The following SGMS1 variants were observed in gnomAD, a reference collection of about 807,000 sequenced individuals.
The protein encoded by SGMS1 is phosphatidylcholine:ceramide cholinephosphotransferase 1.
In SGMS1, 13 loss-of-function variants were observed where a neutral mutation model predicts 46.2. That is an observed-to-expected ratio of 0.28 (90% confidence interval 0.18 to 0.45). The LOEUF is 0.45. SGMS1 is among the 20% of genes least tolerant of loss of function. The pLI is 1.00. For missense variants in SGMS1, 324 were observed against 519.9 expected (o/e 0.62, Z 3.66); for synonymous variants, 203 against 187.8 (o/e 1.08, Z -0.66).
chr10:50,484,173 G>C (rs1837500389), intron 3 of SGMS1, among the ~76,000 whole-genome samples: 1 of 151,878 alleles, frequency 6.6e-6, no homozygotes, highest in Non-Finnish European at 1.5e-5. Flanking sequence ...AAGAAAAAGA[G>C]AAGAATCAAC....
At chr10:50,415,659 C>T (rs1451492944) in intron 6 of SGMS1, among the ~76,000 whole-genome samples, 2 of 152,108 alleles carry the variant, frequency 1.3e-5, no homozygotes, top group South Asian at 2.1e-4. Context: ...GCATTATTCT[C>T]TTGTATGATG....
intron 2 of SGMS1, among the ~76,000 whole-genome samples, chr10:50,534,607 T>C (rs1018234224): frequency 4.6e-5 from 7 of 152,188 alleles, no homozygotes; most frequent in African/African-American, 1.2e-4. Context: ...ACTACTAAGA[T>C]GCAAAATTAC....
upstream of SGMS1, chr10:50,624,559 G>C (rs931209238): frequency 4.1e-6 from 4 of 982,714 alleles, no homozygotes; most frequent in Non-Finnish European, 4.8e-6. Context: ...ACCGCGCGAG[G>C]TGAAAACTCC....
chr10:50,487,162 T>C (rs1837527975), intron 3 of SGMS1, among the ~76,000 whole-genome samples: 1 of 151,562 alleles, frequency 6.6e-6, no homozygotes, highest in South Asian at 2.1e-4. Flanking sequence ...TATCAAAGGG[T>C]AGAGGGTGGA....
At chr10:50,354,660 C>G (rs549376732) in intron 6 of SGMS1, among the ~76,000 whole-genome samples, 1 of 152,108 alleles carries the variant, frequency 6.6e-6, no homozygotes, top group Non-Finnish European at 1.5e-5. Flanking sequence ...AGGCAACCTA[C>G]AGAATGGGAG....
At chr10:50,434,263 T>C (rs1240354570) in intron 5 of SGMS1, among the ~76,000 whole-genome samples, 3 of 152,226 alleles carry the variant, frequency 2.0e-5, no homozygotes, top group East Asian at 1.9e-4. Context: ...ATAGAACTTT[T>C]TGCTTTCTTT....
chr10:50,377,618 G>C (rs1301717273), intron 6 of SGMS1, among the ~76,000 whole-genome samples: 3 of 152,160 alleles, frequency 2.0e-5, no homozygotes, highest in African/African-American at 7.2e-5. Flanking sequence ...GCAATGGGTT[G>C]AGATTTGGGG....
chr10:50,379,914 T>C (rs1168435657), intron 6 of SGMS1, among the ~76,000 whole-genome samples: 1 of 152,190 alleles, frequency 6.6e-6, no homozygotes, highest in East Asian at 1.9e-4. Context: ...AGAGCTCTTT[T>C]GCCCATCTCA....
In SGMS1 at chr10:50,529,403, T is replaced by C. The variant is rs116127961; in HGVS notation, c.-588-9482A>G. The stretch of plus-strand genomic sequence containing the variant: ...TACCACAATACAATGCTAGGTAAAC[T>C]TAGGCCTTCAATAAACATGGATGGA... On this transcript the variant is annotated intron_variant, in intron 2 of 10. Coordinates refer to ENST00000361781, the MANE Select transcript of SGMS1 (RefSeq NM_147156.4). 5.3e-3 allele frequency among the ~76,000 whole-genome samples: 804 copies of C among 152,336 alleles called. 10 individuals are homozygous for C. Among genetic ancestry groups the C allele is most frequent in the African/African-American group, 0.018 (741 of 41,580 alleles).
At chr10:50,449,292 T>C (rs1324421234) in intron 5 of SGMS1, among the ~76,000 whole-genome samples, 1 of 152,206 alleles carries the variant, frequency 6.6e-6, no homozygotes, top group African/African-American at 2.4e-5. Context: ...GTGTTCACAA[T>C]GTATAACACA....
chr10:50,497,060 C>G (rs1261319165), intron 3 of SGMS1, among the ~76,000 whole-genome samples: 1 of 152,194 alleles, frequency 6.6e-6, no homozygotes, highest in Non-Finnish European at 1.5e-5. Context: ...TCTTCCAACA[C>G]TGAAATGTAG....
intron 1 of SGMS1, 74 bp downstream of exon 1, chr10:50,623,633 G>A (rs1468925359): frequency 8.1e-6 from 8 of 985,166 alleles, no homozygotes; most frequent in Non-Finnish European, 9.6e-6. Context: ...GCATAAGGCC[G>A]GGCCCGCGAG....
chr10:50,311,301 T>C lies in SGMS1; in HGVS notation c.856A>G (p.Thr286Ala), dbSNP rs1847248089. 2.5e-6 allele frequency: 4 copies of C among 1,613,978 alleles called. No individual in the cohort carries two copies. Among genetic ancestry groups the C allele is most frequent in the Non-Finnish European group, 3.4e-6 (4 of 1,179,890 alleles). Residue 286 changes from threonine to alanine, a missense_variant, in exon 9 of 11, where the codon ACG becomes GCG. Thr to Ala is a moderately conservative substitution (Grantham distance 58). This residue lies in a region of SGMS1 where 174 missense variants were observed against 350.1 expected (regional missense o/e 0.50). Transcript: ENST00000361781. ...AAGTAGGTAAGTGTTAGCATGACCG[T>C]GTGGCCGCTGTACAGATAGTCCCCA... ...MCGDYLYSGH[T>A]VMLTLTYLFI... is the part of the protein sequence containing the mutation.
chr10:50,606,475 A>T (rs1332019624), intron 1 of SGMS1, among the ~76,000 whole-genome samples: 2 of 152,242 alleles, frequency 1.3e-5, no homozygotes, highest in Non-Finnish European at 2.9e-5. Flanking sequence ...CATTTTGTGT[A>T]TGTGTATTTT....
chr10:50,382,734 A>C (rs1480091279), intron 6 of SGMS1, among the ~76,000 whole-genome samples: 1 of 152,178 alleles, frequency 6.6e-6, no homozygotes, highest in Admixed American at 6.5e-5. Context: ...AGCTCCTCTC[A>C]AAAACCATCC....
In SGMS1 at chr10:50,425,797, G is replaced by A. The variant is rs76134940; in HGVS notation, c.-232+7679C>T. Among the ~76,000 whole-genome samples the A allele has an allele frequency of 9.6e-3, 1,467 of 152,304 alleles. 29 individuals are homozygous for A. Among genetic ancestry groups the A allele is most frequent in the African/African-American group, 0.034 (1,401 of 41,576 alleles). On this transcript the variant is annotated intron_variant, in intron 6 of 10. Coordinates refer to ENST00000361781, the MANE Select transcript of SGMS1 (RefSeq NM_147156.4). ...TATTTAAACATGTTTTGTAGATCAGGTTGGCAAGAATGAATGAGTCTGACA... is the reference window on the plus strand; with the variant it reads ...TATTTAAACATGTTTTGTAGATCAGATTGGCAAGAATGAATGAGTCTGACA...
chr10:50,318,847 G>C (rs926734955), intron 8 of SGMS1, among the ~76,000 whole-genome samples: 6 of 152,108 alleles, frequency 3.9e-5, no homozygotes, highest in South Asian at 4.1e-4. Flanking sequence ...ATACTAGGCA[G>C]ACTTGTTTTA....
rs191076338 is a variant in SGMS1 at position 50,539,545 on chromosome 10, T to C, written c.-588-19624A>G. ...ATATGGGACCTGATTCTCAAACTTA[T>C]GGAGCTTATTTAAAGTACAAAGTGA... is the stretch of plus-strand genomic sequence containing the variant. On this transcript the variant is annotated intron_variant, in intron 2 of 10. Coordinates refer to ENST00000361781, the MANE Select transcript of SGMS1 (RefSeq NM_147156.4). Among the ~76,000 whole-genome samples, 150 of 152,338 alleles carry C rather than the reference T, an allele frequency of 9.8e-4. 1 individual carries two copies. Among genetic ancestry groups the C allele is most frequent in the Middle Eastern group, 3.4e-3 (1 of 294 alleles).
At chr10:50,440,386 A>C (rs903271438) in intron 5 of SGMS1, among the ~76,000 whole-genome samples, 6 of 152,004 alleles carry the variant, frequency 3.9e-5, no homozygotes, top group African/African-American at 1.2e-4. Flanking sequence ...AATTAAAAGT[A>C]AATAAGGGCT....
Sources: allele counts gnomAD v4.1 joint callset (sites outside exome capture counted in the v4.1 genomes callset), GRCh38; gene constraint gnomAD v4.1.1; regional missense constraint gnomAD v4.1.1; transcripts MANE v1.5; gene names NCBI Gene and HGNC (gene_info 2026-07-23, HGNC 2026-07-21).